The following NAV2 variants were observed in gnomAD, a reference collection of about 807,000 sequenced individuals.
The protein encoded by NAV2 is helicase, APC down-regulated 1.
Under a neutral mutation model 223.2 loss-of-function variants are expected in NAV2, and 54 were observed. The ratio of observed to expected loss-of-function variants is 0.24; its 90% CI spans 0.19 to 0.30. The LOEUF is 0.30. Ranked by LOEUF, NAV2 falls within the 10% of genes least tolerant of loss-of-function variation. The pLI is 1.00. For synonymous variants in NAV2, 1,279 were observed against 1,239.3 expected (o/e 1.03, Z -0.67); for missense variants, 2,806 against 3,147.5 (o/e 0.89, Z 2.60).
chr11:19,865,335 T>C (rs1345053365), intron 3 of NAV2, among the ~76,000 whole-genome samples: 1 of 152,182 alleles, frequency 6.6e-6, no homozygotes, highest in Non-Finnish European at 1.5e-5. Flanking sequence ...GTTTCAACAG[T>C]ACATGAAGAT....
intron 1 of NAV2, among the ~76,000 whole-genome samples, chr11:19,706,390 T>A (rs925168995): frequency 1.2e-4 from 19 of 152,208 alleles, no homozygotes; most frequent in Admixed American, 4.6e-4. Flanking sequence ...TTACTTTAGG[T>A]TTTTTGTTAC....
chr11:19,681,184 G>A (rs2048871982), intron 1 of NAV2, among the ~76,000 whole-genome samples: 2 of 152,214 alleles, frequency 1.3e-5, no homozygotes, highest in East Asian at 1.9e-4. Context: ...GGTCATGCCT[G>A]GCAGTGAGAT....
intron 1 of NAV2, among the ~76,000 whole-genome samples, chr11:19,449,687 C>G (rs945910021): frequency 6.6e-6 from 1 of 152,086 alleles, no homozygotes; most frequent in African/African-American, 2.4e-5. Flanking sequence ...TAGTCTGTTT[C>G]CATGTCTGCC....
chr11:19,695,483 TCTA>T (rs2049302962), intron 1 of NAV2, among the ~76,000 whole-genome samples: 1 of 152,170 alleles, frequency 6.6e-6, no homozygotes, highest in Admixed American at 6.5e-5. Flanking sequence ...TTCAGGTCAT[TCTA>T]TGCATTTTAA....
intron 11 of NAV2, among the ~76,000 whole-genome samples, chr11:20,030,411 C>T (rs937393301): frequency 2.0e-5 from 3 of 152,086 alleles, no homozygotes; most frequent in African/African-American, 4.8e-5. Context: ...AATATTTAAT[C>T]GAAGTTTTCC....
rs962128949 is a variant in NAV2, at chr11:19,832,412, C to T, written c.268-72C>T. ...TGGGACAGTGGCCACTGTGCCGGCC[C>T]GAGCAGCTGCCTCAGACTCTGAGAG... On this transcript the variant is annotated intron_variant, in intron 1 of 37. Coordinates refer to ENST00000349880, the MANE Select transcript of NAV2 (RefSeq NM_145117.5). 3.5e-5 allele frequency: 42 copies of T among 1,204,134 alleles called. 1 individual carries two copies. In the Admixed American group the frequency reaches 3.8e-4, roughly 11 times the overall value. 74.6% of individuals were successfully genotyped at this position (1,204,134 alleles called of 1,614,324 possible).
intron 1 of NAV2, among the ~76,000 whole-genome samples, chr11:19,566,047 ATTTTATTTTATTTTATT>A (rs2045259671): frequency 8.0e-6 from 1 of 125,400 alleles, no homozygotes; most frequent in Admixed American, 7.9e-5. Flanking sequence ...ATTTTATTTT[ATTTTATTTTATTTTATT>A]TTATTTTATT....
In NAV2 at chr11:19,548,946, T is replaced by C. The variant is rs1044448953; in HGVS notation, c.75+197919T>C. ...TTGTAAACTTTTCAAAGCTATTAAG[T>C]AGAGGTGATGGATTCTCTTCATTCC... is the stretch of plus-strand genomic sequence containing the variant. On this transcript the variant is annotated intron_variant, in intron 1 of 37. Coordinates refer to the NAV2 transcript ENST00000360655. Among the ~76,000 whole-genome samples, 4 of 151,018 alleles carry C rather than the reference T, an allele frequency of 2.6e-5. No homozygotes were observed. In the South Asian group the frequency reaches 8.4e-4, roughly 32 times the overall value.
intron 15 of NAV2, 138 bp downstream of exon 15, chr11:20,049,333 G>A (rs2057753661): frequency 1.5e-6 from 1 of 679,634 alleles, no homozygotes; most frequent in East Asian, 2.7e-5. Context: ...TCTTTCATGG[G>A]GAAGCCACTT....
At chr11:19,467,243 TGTCTA>T (rs1852400252) in intron 1 of NAV2, among the ~76,000 whole-genome samples, 1 of 152,220 alleles carries the variant, frequency 6.6e-6, no homozygotes, top group African/African-American at 2.4e-5. Context: ...AGCCATAACT[TGTCTA>T]GTCAATAAGG....
intron 11 of NAV2, among the ~76,000 whole-genome samples, chr11:20,026,700 C>T (rs191859629): frequency 4.8e-4 from 73 of 152,264 alleles, no homozygotes; most frequent in African/African-American, 1.7e-3. Flanking sequence ...ACATGACGAG[C>T]GTTCATTAAA....
At chr11:19,408,555 C>T (rs577617512) in intron 1 of NAV2, among the ~76,000 whole-genome samples, 1 of 152,322 alleles carries the variant, frequency 6.6e-6, no homozygotes, top group South Asian at 2.1e-4. Context: ...ACCCTCCATC[C>T]TCACAACTTT....
In NAV2 at chr11:19,713,146, C is replaced by T. The variant is rs781709506; in HGVS notation, c.-550C>T. Among the ~76,000 whole-genome samples the T allele has an allele frequency of 2.0e-5, 3 of 152,030 alleles. No homozygotes were observed. The highest frequency in any genetic ancestry group is 4.4e-5 in the Non-Finnish European group (3 of 67,982). On this transcript the variant is annotated 5_prime_UTR_variant, in exon 1 of 38. Coordinates refer to ENST00000349880, the MANE Select transcript of NAV2 (RefSeq NM_145117.5). The surrounding 1 kb of genome is among the most constrained non-coding windows in gnomAD (Gnocchi z 7.2). ...CGCGAGCAGGGTGGCAGCTGCCTCTCGGTGGAGACGTCTTGGGACCCTTGC... is the reference window on the plus strand; with the variant it reads ...CGCGAGCAGGGTGGCAGCTGCCTCTTGGTGGAGACGTCTTGGGACCCTTGC...
intron 1 of NAV2, among the ~76,000 whole-genome samples, chr11:19,603,518 T>G (rs191654731): frequency 6.6e-6 from 1 of 151,196 alleles, no homozygotes; most frequent in Non-Finnish European, 1.5e-5. Flanking sequence ...TCCCAGCTAC[T>G]TGGGAGGCAG....
intron 20 of NAV2, among the ~76,000 whole-genome samples, chr11:20,066,199 C>T (rs2059032583): frequency 6.6e-6 from 1 of 152,214 alleles, no homozygotes; most frequent in Non-Finnish European, 1.5e-5. Context: ...AACACAAGGT[C>T]AGGGACTTGG....
chr11:20,078,260 T>C (rs1251592649), intron 24 of NAV2, among the ~76,000 whole-genome samples, 156 bp downstream of exon 24: 1 of 152,226 alleles, frequency 6.6e-6, no homozygotes, highest in Non-Finnish European at 1.5e-5. Flanking sequence ...ACACCTTTAA[T>C]CAAGTCACTT....
At chr11:19,686,598 C>T (rs1252890173) in intron 1 of NAV2, among the ~76,000 whole-genome samples, 1 of 152,174 alleles carries the variant, frequency 6.6e-6, no homozygotes, top group African/African-American at 2.4e-5. Context: ...AAAATAAGTT[C>T]ACATTGTCTG....
chr11:19,545,528 A>C (rs11607687), intron 1 of NAV2, among the ~76,000 whole-genome samples: 43,778 of 151,934 alleles, frequency 0.29, 8,830 homozygotes, highest in African/African-American at 0.58. Flanking sequence ...CATGGCGCAA[A>C]TGGGAGTCAG....
Position 20,118,346 on chromosome 11 carries a change from C to G in NAV2, c.*88C>G. Reference sequence around the variant, plus strand: ...TCACCCTGAAGATGACTTCCTGAGCCAGCCCCCAGCCACAGCCTTAGAGCT... The same window carrying G: ...TCACCCTGAAGATGACTTCCTGAGCGAGCCCCCAGCCACAGCCTTAGAGCT... On this transcript the variant is annotated 3_prime_UTR_variant, in exon 38 of 38. Transcript: ENST00000349880. 6.8e-7 allele frequency: 1 copy of G among 1,472,682 alleles called. No homozygotes were observed. The highest frequency in any genetic ancestry group is 1.2e-5 in the South Asian group (1 of 82,744). 91.2% of individuals were successfully genotyped at this position (1,472,682 alleles called of 1,614,324 possible). A position where few individuals can be genotyped will look rare whatever the true frequency, so the allele number is the denominator to read the frequency against.
Sources: gnomAD v4.1 joint callset for allele counts (sites outside exome capture counted in the v4.1 genomes callset) on GRCh38, gnomAD v4.1.1 for gene constraint, Gnocchi (gnomAD v3.1) non-coding constraint, MANE v1.5 for transcripts, NCBI Gene and HGNC (gene_info 2026-07-23, HGNC 2026-07-21) for gene names.